Variants in GRIA2 observed in about 807,000 individuals in gnomAD.
GRIA2 encodes the protein glutamate receptor 2.
GRIA2 carries 14 observed loss-of-function variants against 97.3 expected under a neutral mutation model. The ratio of observed to expected loss-of-function variants is 0.14; its 90% CI spans 0.10 to 0.23. GRIA2 has a LOEUF of 0.23. Ranked by LOEUF, GRIA2 falls within the 10% of genes least tolerant of loss-of-function variation. The pLI, the probability that GRIA2 is intolerant of heterozygous loss-of-function variation, is 1.00. For synonymous variants in GRIA2, 412 were observed against 387.8 expected (o/e 1.06, Z -0.73); for missense variants, 558 against 1,069.8 (o/e 0.52, Z 6.67).
intron 6 of GRIA2, among the ~76,000 whole-genome samples, chr4:157,324,940 G>A (rs989210472): frequency 9.2e-5 from 14 of 152,108 alleles, no homozygotes; most frequent in African/African-American, 3.1e-4. Flanking sequence ...CTTTGATGTT[G>A]TCTTTTGGGT....
At chr4:157,259,823 C>G (rs1436379088) in intron 2 of GRIA2, among the ~76,000 whole-genome samples, 1 of 152,120 alleles carries the variant, frequency 6.6e-6, no homozygotes, top group Non-Finnish European at 1.5e-5. Context: ...TTATAACTCA[C>G]TGCCAGGTAA....
At chr4:157,275,050 G>A (rs914613148) in intron 2 of GRIA2, among the ~76,000 whole-genome samples, 74 of 152,018 alleles carry the variant, frequency 4.9e-4, no homozygotes, top group Admixed American at 1.7e-3. Context: ...ACTTTTTAAT[G>A]ATTGCCATTC....
At chr4:157,323,473 C>A (rs1734675421) in intron 6 of GRIA2, among the ~76,000 whole-genome samples, 1 of 151,206 alleles carries the variant, frequency 6.6e-6, no homozygotes, top group Non-Finnish European at 1.5e-5. Context: ...TCCATCTGTG[C>A]CTAGAAGGGG....
At chr4:157,320,600 C>G (rs1734517161) in intron 5 of GRIA2, among the ~76,000 whole-genome samples, 1 of 151,954 alleles carries the variant, frequency 6.6e-6, no homozygotes, top group African/African-American at 2.4e-5. Context: ...TAATAATATG[C>G]ATGTTTTAAT....
At chr4:157,274,872 G>T (rs1473738468) in intron 2 of GRIA2, among the ~76,000 whole-genome samples, 1 of 151,552 alleles carries the variant, frequency 6.6e-6, no homozygotes, top group Non-Finnish European at 1.5e-5. Flanking sequence ...TAATCCTTTG[G>T]GTATATACCC....
At chr4:157,253,008 G>A (rs1731081777) in intron 2 of GRIA2, among the ~76,000 whole-genome samples, 1 of 151,940 alleles carries the variant, frequency 6.6e-6, no homozygotes, top group African/African-American at 2.4e-5. Context: ...CCTAATTTTG[G>A]GGGGACCATG....
At chr4:157,344,630 A>G (rs1735695146) in intron 12 of GRIA2, among the ~76,000 whole-genome samples, 1 of 152,078 alleles carries the variant, frequency 6.6e-6, no homozygotes, top group Admixed American at 6.6e-5. Flanking sequence ...ATGTTTTGTA[A>G]TGTGGCTTAA....
intron 6 of GRIA2, among the ~76,000 whole-genome samples, chr4:157,326,416 T>TA (rs541775013): frequency 7.2e-5 from 11 of 152,138 alleles, no homozygotes; most frequent in South Asian, 2.1e-4. Context: ...AAGTGCCATT[T>TA]AAAAAAAATT....
chr4:157,252,966 G>A (rs1013758757), intron 2 of GRIA2, among the ~76,000 whole-genome samples: 206 of 152,090 alleles, frequency 1.4e-3, no homozygotes, highest in African/African-American at 4.7e-3. Flanking sequence ...AAAAGAAAAA[G>A]AGATTTGCAG....
chr4:157,289,113 A>G (rs1222291496), intron 2 of GRIA2, among the ~76,000 whole-genome samples: 1 of 151,874 alleles, frequency 6.6e-6, no homozygotes, highest in Non-Finnish European at 1.5e-5. Flanking sequence ...CAAAGATTTG[A>G]TTTGCAATCA....
At chr4:157,353,142 C>T (rs1171194062) in intron 12 of GRIA2, among the ~76,000 whole-genome samples, 5 of 146,398 alleles carry the variant, frequency 3.4e-5, no homozygotes, top group Non-Finnish European at 6.0e-5. Context: ...CACCTGAGGT[C>T]GGGAGTTTGA....
At chr4:157,327,289 G>GA (rs1232652186) in intron 6 of GRIA2, among the ~76,000 whole-genome samples, 10 of 151,888 alleles carry the variant, frequency 6.6e-5, no homozygotes, top group African/African-American at 2.4e-5. Context: ...ATAAGTAAAG[G>GA]AAAAAATATA....
At chr4:157,292,321 G>C (rs1437049272) in intron 2 of GRIA2, among the ~76,000 whole-genome samples, 1 of 151,968 alleles carries the variant, frequency 6.6e-6, no homozygotes, top group South Asian at 2.1e-4. Context: ...TACATTAAAA[G>C]CATTGGGAAA....
intron 12 of GRIA2, among the ~76,000 whole-genome samples, chr4:157,343,471 T>G (rs1332524702): frequency 6.6e-6 from 1 of 152,096 alleles, no homozygotes; most frequent in East Asian, 1.9e-4. Flanking sequence ...CTGGATTTAC[T>G]TCACTGCCTT....
rs111520897 is a variant in GRIA2, at chr4:157,321,511, A to G, written c.794A>G (p.Tyr265Cys). The G allele has an allele frequency of 6.2e-7, 1 of 1,606,762 alleles. No individual in the cohort carries two copies. Among genetic ancestry groups the G allele is most frequent in the Non-Finnish European group, 8.5e-7 (1 of 1,173,386 alleles). ...ANVSGFQIVD[Y>C]DDSLVSKFIE... ...GTCTCTGGATTTCAGATAGTGGACT[A>G]TGATGATTCGTTGGTATCTAAATTT... Residue 265 changes from tyrosine (Y) to cysteine (C), a missense_variant, in exon 6 of 16, where the codon TAT (tyrosine) becomes TGT (cysteine). By Grantham distance (194) the Tyr-to-Cys change is radical. This residue lies in a region of GRIA2 where 173 missense variants were observed against 209.1 expected (regional missense o/e 0.83). Coordinates refer to ENST00000264426, the MANE Select transcript of GRIA2 (RefSeq NM_001083619.3).
chr4:157,260,342 C>T (rs1384017889), intron 2 of GRIA2, among the ~76,000 whole-genome samples: 2 of 152,016 alleles, frequency 1.3e-5, no homozygotes, highest in Admixed American at 6.6e-5. Context: ...CAATATAAAG[C>T]TGTAATTCTG....
intron 2 of GRIA2, among the ~76,000 whole-genome samples, chr4:157,301,093 G>A (rs901181522): frequency 1.3e-5 from 2 of 152,128 alleles, no homozygotes; most frequent in Non-Finnish European, 2.9e-5. Context: ...CCCACACTTT[G>A]CAGGGAAATG....
intron 2 of GRIA2, among the ~76,000 whole-genome samples, chr4:157,255,264 T>TACACAC (rs139422148): frequency 6.6e-6 from 1 of 151,310 alleles, no homozygotes; most frequent in African/African-American, 2.4e-5. Flanking sequence ...TATGGCTGAA[T>TACACAC]ACACACACAC....
intron 2 of GRIA2, among the ~76,000 whole-genome samples, chr4:157,300,203 C>T (rs1193015206): frequency 1.3e-5 from 2 of 151,886 alleles, no homozygotes; most frequent in African/African-American, 4.8e-5. Flanking sequence ...AATAATTTCC[C>T]TTCTAATGAA....
Sources: gnomAD v4.1 joint callset for allele counts (sites outside exome capture counted in the v4.1 genomes callset) on GRCh38, gnomAD v4.1.1 for gene constraint, gnomAD v4.1.1 regional missense constraint, MANE v1.5 for transcripts, NCBI Gene and HGNC (gene_info 2026-07-23, HGNC 2026-07-21) for gene names.